The following GALNT14 variants were observed in gnomAD, a reference collection of about 807,000 sequenced individuals.
GALNT14 encodes the protein UDP-GalNAc:polypeptide N-acetylgalactosaminyltransferase 14.
In GALNT14, 60 loss-of-function variants were observed where a neutral mutation model predicts 77.5. That is an observed-to-expected ratio of 0.77 (90% CI 0.63 to 0.96). GALNT14 has a LOEUF of 0.96. Among genes scored for constraint, GALNT14 ranks in the 40% least tolerant of loss-of-function variants. The probability of loss-of-function intolerance (pLI) is 0.00; values close to 1 mark genes in which losing one functional copy is unlikely to be tolerated. For synonymous variants in GALNT14, 280 were observed against 281.7 expected, an observed-to-expected ratio of 0.99 and a Z score of 0.06; for missense variants, 710 against 731.0, an observed-to-expected ratio of 0.97 and a Z score of 0.33.
At chr2:31,103,490 A>AACAC (rs58852483) in intron 1 of GALNT14, among the ~76,000 whole-genome samples, 20,424 of 150,112 alleles carry the variant, frequency 0.14, 1,911 homozygotes, top group African/African-American at 0.27. Flanking sequence ...AGAAGAAGGA[A>AACAC]ACACACACAC....
intron 1 of GALNT14, among the ~76,000 whole-genome samples, chr2:31,048,590 A>AC (rs1673632253): frequency 2.0e-4 from 19 of 96,388 alleles, no homozygotes; most frequent in South Asian, 3.7e-4. Context: ...CTGCCTCCCC[A>AC]CCCCCACTCC....
chr2:30,902,883 C>T, the GALNT14 span, among the ~76,000 whole-genome samples: 1 of 152,172 alleles, frequency 6.6e-6, no homozygotes, highest in Admixed American at 6.5e-5. Context: ...GTACCTGTTT[C>T]ACTACATAGG....
rs758564395 is a variant in GALNT14 at position 30,992,888 on chromosome 2, C to T, written c.249G>A (p.Glu83=). ...CCCGATTGCTGGAGATCCGCTCACT[C>T]TCCCGCTGGTTGAAAGCATACAGCT... The part of the protein sequence containing the change: ...PYKLYAFNQR[E]SERISSNRAI... The change falls in exon 2 of 15, where the codon GAG becomes GAA. Residue 83 remains glutamate (E), a synonymous_variant. Transcript: ENST00000349752. The T allele has an allele frequency of 4.2e-5, 68 of 1,614,054 alleles. No homozygotes were observed. Among genetic ancestry groups the T allele is most frequent in the Non-Finnish European group, 5.4e-5 (64 of 1,180,028 alleles).
the GALNT14 span, among the ~76,000 whole-genome samples, chr2:30,896,646 T>A: frequency 5.3e-5 from 8 of 152,026 alleles, no homozygotes; most frequent in African/African-American, 1.9e-4. Flanking sequence ...GTATTTCTCT[T>A]GTGTGTGTGT....
At chr2:30,958,278 C>T (rs1667484059) in intron 4 of GALNT14, 119 bp downstream of exon 4, 1 of 793,722 alleles carries the variant, frequency 1.3e-6, no homozygotes, top group African/African-American at 1.7e-5. Flanking sequence ...ACTTCCGTAC[C>T]TATTACAAAC....
At chr2:31,061,293 T>A (rs187461351) in intron 1 of GALNT14, among the ~76,000 whole-genome samples, 43 of 152,276 alleles carry the variant, frequency 2.8e-4, no homozygotes, top group Non-Finnish European at 7.4e-5. Flanking sequence ...ACCAGAAATA[T>A]GGCCTCTTCC....
At chr2:30,908,200 G>T (rs1664195502), downstream of GALNT14, among the ~76,000 whole-genome samples, 1 of 150,570 alleles carries the variant, frequency 6.6e-6, no homozygotes. Flanking sequence ...AGTGTTGGAA[G>T]TTCTGGCCAG....
At chr2:30,982,886 C>T (rs1450154337) in intron 2 of GALNT14, among the ~76,000 whole-genome samples, 1 of 152,112 alleles carries the variant, frequency 6.6e-6, no homozygotes, top group African/African-American at 2.4e-5. Flanking sequence ...AAGAAGATTT[C>T]AAAAGCCACT....
intron 3 of GALNT14, 151 bp from the exon 4 acceptor site, chr2:30,958,615 A>G: frequency 3.2e-6 from 2 of 631,510 alleles, no homozygotes; most frequent in Non-Finnish European, 5.6e-6. Context: ...TCTGTGAGCC[A>G]GGAGGAATGT....
chr2:31,115,158 G>A (rs1034321851), intron 1 of GALNT14, among the ~76,000 whole-genome samples: 1 of 151,964 alleles, frequency 6.6e-6, no homozygotes, highest in Admixed American at 6.6e-5. Flanking sequence ...GTTGAGGCAG[G>A]AAAGATCACT....
chr2:30,924,312 A>G (rs1185886613), intron 12 of GALNT14, 49 bp from the exon 13 acceptor site: 1 of 1,595,796 alleles, frequency 6.3e-7, no homozygotes, highest in Admixed American at 1.7e-5. Flanking sequence ...TCATTGGATT[A>G]GCAAGACTAC....
intron 1 of GALNT14, among the ~76,000 whole-genome samples, chr2:31,048,203 C>A (rs1245964888): frequency 6.6e-6 from 1 of 152,194 alleles, no homozygotes; most frequent in African/African-American, 2.4e-5. Context: ...CCTGCAAGGA[C>A]CACCAGGTAT....
intron 1 of GALNT14, among the ~76,000 whole-genome samples, chr2:31,070,715 G>A (rs746894106): frequency 8.5e-5 from 13 of 152,202 alleles, no homozygotes; most frequent in African/African-American, 1.7e-4. Context: ...AAATTCCAGC[G>A]TGTAGCCACA....
intron 1 of GALNT14, among the ~76,000 whole-genome samples, chr2:31,004,922 T>A (rs1273892830): frequency 6.6e-6 from 1 of 152,192 alleles, no homozygotes; most frequent in Non-Finnish European, 1.5e-5. Flanking sequence ...GCAGGGGTCA[T>A]GAATGAGCAG....
chr2:30,996,778 T>C (rs1670062952), intron 1 of GALNT14, among the ~76,000 whole-genome samples: 1 of 152,274 alleles, frequency 6.6e-6, no homozygotes, highest in East Asian at 1.9e-4. Flanking sequence ...AAAGAAGTCA[T>C]GGAAGGTGTC....
intron 11 of GALNT14, among the ~76,000 whole-genome samples, chr2:30,926,768 A>G (rs759133181): frequency 2.0e-5 from 3 of 151,926 alleles, no homozygotes; most frequent in Non-Finnish European, 4.4e-5. Flanking sequence ...GAGAAGACTC[A>G]TGCTGATGGG....
intron 9 of GALNT14, among the ~76,000 whole-genome samples, chr2:30,934,031 T>G (rs1242038302): frequency 6.6e-6 from 1 of 152,242 alleles, no homozygotes; most frequent in East Asian, 1.9e-4. Flanking sequence ...TTACAGATGC[T>G]TCTTCCCATC....
chr2:31,097,339 T>C (rs1483730885), intron 1 of GALNT14, among the ~76,000 whole-genome samples: 1 of 152,098 alleles, frequency 6.6e-6, no homozygotes, highest in Non-Finnish European at 1.5e-5. Context: ...TTTTGGGGAA[T>C]AATCCCTCTC....
chr2:30,972,395 A>T (rs1668413815), intron 2 of GALNT14, among the ~76,000 whole-genome samples: 1 of 152,140 alleles, frequency 6.6e-6, no homozygotes, highest in Non-Finnish European at 1.5e-5. Context: ...CGCTGCTTGG[A>T]GCTCCCGGTT....
Sources: allele counts gnomAD v4.1 joint callset (sites outside exome capture counted in the v4.1 genomes callset), GRCh38; gene constraint gnomAD v4.1.1; transcripts MANE v1.5; gene names NCBI Gene and HGNC (gene_info 2026-07-23, HGNC 2026-07-21).